The following AGBL4 variants were observed in gnomAD, a reference collection of about 807,000 sequenced individuals.
AGBL4 encodes AGBL carboxypeptidase 4, also known as cytosolic carboxypeptidase 6.
AGBL4 carries 58 observed loss-of-function variants against 66.4 expected under a neutral mutation model. The ratio of observed to expected loss-of-function variants is 0.87; its 90% confidence interval spans 0.71 to 1.09. The LOEUF (loss-of-function observed/expected upper bound fraction) is 1.09. Among genes scored for constraint, AGBL4 ranks in the 50% least tolerant of loss-of-function variants. AGBL4 has a pLI of 0.00. For synonymous variants in AGBL4, 234 were observed against 222.9 expected (o/e 1.05, Z -0.44); for missense variants, 579 against 631.0 (o/e 0.92, Z 0.88).
At chr1:49,395,816 CATAT>C (rs753086676) in intron 3 of AGBL4, among the ~76,000 whole-genome samples, 2 of 108,962 alleles carry the variant, frequency 1.8e-5, no homozygotes, top group Admixed American at 1.1e-4. Context: ...TATATGTATA[CATAT>C]ATATATATGT....
At chr1:49,498,564 G>A (rs1647829129) in intron 3 of AGBL4, among the ~76,000 whole-genome samples, 2 of 151,458 alleles carry the variant, frequency 1.3e-5, no homozygotes, top group Non-Finnish European at 2.9e-5. Context: ...CAGAGTTGGA[G>A]GACATTTTGC....
intron 3 of AGBL4, among the ~76,000 whole-genome samples, chr1:49,466,939 T>C (rs1646643976): frequency 6.6e-6 from 1 of 151,768 alleles, no homozygotes; most frequent in Non-Finnish European, 1.5e-5. Context: ...GCAAGATAAT[T>C]CTAAGAGAAG....
intron 11 of AGBL4, among the ~76,000 whole-genome samples, chr1:48,549,193 T>C (rs1444719329): frequency 6.6e-6 from 1 of 152,232 alleles, no homozygotes; most frequent in East Asian, 1.9e-4. Flanking sequence ...TTCTCTTTGG[T>C]AAGGCTGACA....
chr1:48,523,900 A>G, the AGBL4 span, among the ~76,000 whole-genome samples: 1 of 152,254 alleles, frequency 6.6e-6, no homozygotes, highest in African/African-American at 2.4e-5. Flanking sequence ...AAACCCGTCA[A>G]GTATGTTATT....
chr1:49,465,600 C>T (rs757177051), intron 3 of AGBL4, among the ~76,000 whole-genome samples: 2 of 151,766 alleles, frequency 1.3e-5, no homozygotes, highest in Non-Finnish European at 2.9e-5. Context: ...CATTATTATT[C>T]TAGGCTTTCA....
intron 2 of AGBL4, chr1:49,845,991 A>G (rs977322463): frequency 1.3e-6 from 2 of 1,587,908 alleles, no homozygotes; most frequent in African/African-American, 2.7e-5. Context: ...CACACTGAGG[A>G]GAAGCCCTAC....
chr1:48,753,026 G>C (rs1394243698), intron 6 of AGBL4, among the ~76,000 whole-genome samples: 1 of 152,186 alleles, frequency 6.6e-6, no homozygotes, highest in African/African-American at 2.4e-5. Flanking sequence ...GGGATTACAG[G>C]CGTGAGCCAC....
chr1:49,374,370 G>A (rs891472863), intron 3 of AGBL4: 1 of 150,984 alleles, frequency 6.6e-6, no homozygotes, highest in African/African-American at 2.4e-5. Context: ...AAAAAACCTT[G>A]GTTGTAATCA....
intron 11 of AGBL4, among the ~76,000 whole-genome samples, chr1:48,550,541 C>G (rs1161313817): frequency 1.3e-5 from 2 of 152,120 alleles, no homozygotes; most frequent in Non-Finnish European, 2.9e-5. Context: ...ATCTGAAGAG[C>G]CTTAACCATA....
chr1:48,678,239 C>T (rs1344132996), intron 6 of AGBL4, among the ~76,000 whole-genome samples: 1 of 152,174 alleles, frequency 6.6e-6, no homozygotes, highest in Non-Finnish European at 1.5e-5. Context: ...CCGCCGCCCC[C>T]GCCCTTCTGC....
intron 1 of AGBL4, among the ~76,000 whole-genome samples, chr1:49,928,887 T>A (rs918720302): frequency 6.6e-6 from 1 of 152,120 alleles, no homozygotes; most frequent in African/African-American, 2.4e-5. Context: ...GCAGCACTAT[T>A]TGCAATAGCA....
At chr1:49,127,047 C>T (rs1645779699) in intron 4 of AGBL4, among the ~76,000 whole-genome samples, 1 of 152,146 alleles carries the variant, frequency 6.6e-6, no homozygotes, top group Non-Finnish European at 1.5e-5. Flanking sequence ...ATTTACTCTA[C>T]TGTCTTAAAT....
intron 3 of AGBL4, among the ~76,000 whole-genome samples, chr1:49,306,927 T>C (rs960552594): frequency 1.3e-5 from 2 of 152,180 alleles, no homozygotes; most frequent in Non-Finnish European, 2.9e-5. Flanking sequence ...GATGAGAAAG[T>C]GGAGGCTAAG....
intron 3 of AGBL4, among the ~76,000 whole-genome samples, chr1:49,674,242 C>G (rs1324589481): frequency 6.6e-6 from 1 of 152,000 alleles, no homozygotes; most frequent in East Asian, 1.9e-4. Context: ...TCATCCAACT[C>G]TTTTGCTTTT....
chr1:49,781,746 T>C (rs1275652918), intron 2 of AGBL4, among the ~76,000 whole-genome samples: 1 of 152,098 alleles, frequency 6.6e-6, no homozygotes, highest in Non-Finnish European at 1.5e-5. Context: ...GGTCATAATA[T>C]AAAAGTATCA....
At chr1:49,309,243 T>C (rs755803107) in intron 3 of AGBL4, among the ~76,000 whole-genome samples, 1 of 152,104 alleles carries the variant, frequency 6.6e-6, no homozygotes, top group South Asian at 2.1e-4. Flanking sequence ...TGGCAATGAT[T>C]ATTGTATTTT....
chr1:49,056,323 A>C (rs1180685616), intron 4 of AGBL4, among the ~76,000 whole-genome samples: 1 of 152,106 alleles, frequency 6.6e-6, no homozygotes, highest in East Asian at 1.9e-4. Context: ...TAAACAAACA[A>C]ATCAATGTAT....
chr1:49,623,324 A>T (rs1262603307), intron 3 of AGBL4, among the ~76,000 whole-genome samples: 1 of 152,140 alleles, frequency 6.6e-6, no homozygotes, highest in East Asian at 1.9e-4. Flanking sequence ...AATCATTTCC[A>T]TTATAAGGAA....
intron 4 of AGBL4, among the ~76,000 whole-genome samples, chr1:49,192,540 C>T (rs1647141544): frequency 6.6e-6 from 1 of 152,204 alleles, no homozygotes; most frequent in Non-Finnish European, 1.5e-5. Flanking sequence ...CTCAGGTGAT[C>T]TGCCTGCCTT....
Sources: gnomAD v4.1 joint callset for allele counts (sites outside exome capture counted in the v4.1 genomes callset) on GRCh38, gnomAD v4.1.1 for gene constraint, MANE v1.5 for transcripts, NCBI Gene and HGNC (gene_info 2026-07-23, HGNC 2026-07-21) for gene names.